RBFOX1: variants seen among roughly 807,000 people sequenced by gnomAD.
The protein encoded by RBFOX1 is RNA binding fox-1 homolog 1, also known as RNA binding protein fox-1 homolog 1.
RBFOX1 carries 8 observed loss-of-function variants against 57.7 expected under a neutral mutation model. The ratio of observed to expected loss-of-function variants is 0.14; its 90% CI spans 0.08 to 0.25. The LOEUF (loss-of-function observed/expected upper bound fraction) is 0.25, where lower values mean the gene tolerates loss of function less well. Ranked by LOEUF, RBFOX1 falls within the 10% of genes least tolerant of loss-of-function variation. The pLI is 1.00. For missense variants in RBFOX1, 611 were observed against 548.5 expected, an observed-to-expected ratio of 1.11 and a Z score of -1.14; for synonymous variants, 326 against 222.4, an observed-to-expected ratio of 1.47 and a Z score of -4.15.
intron 2 of RBFOX1, among the ~76,000 whole-genome samples, chr16:6,429,337 T>G (rs1430262856): frequency 2.6e-5 from 4 of 152,222 alleles, no homozygotes; most frequent in Non-Finnish European, 4.4e-5. Flanking sequence ...CTGCAGGGTT[T>G]CTTGTTGACC....
chr16:7,031,436 A>C (rs2042763976), intron 3 of RBFOX1, among the ~76,000 whole-genome samples: 1 of 152,056 alleles, frequency 6.6e-6, no homozygotes, highest in Non-Finnish European at 1.5e-5. Context: ...TCTCTACTAA[A>C]AATACAAAAA....
intron 4 of RBFOX1, among the ~76,000 whole-genome samples, chr16:7,503,801 C>A (rs778176667): frequency 6.6e-6 from 1 of 152,126 alleles, no homozygotes; most frequent in African/African-American, 2.4e-5. Flanking sequence ...GTTTGATTTT[C>A]TGCTTGTCCA....
At chr16:7,482,918 T>G (rs2064373435) in intron 4 of RBFOX1, among the ~76,000 whole-genome samples, 1 of 152,056 alleles carries the variant, frequency 6.6e-6, no homozygotes. Context: ...TGCAATTAAC[T>G]CCCTTTTTGA....
At chr16:7,667,430 C>G (rs2069722161) in intron 13 of RBFOX1, among the ~76,000 whole-genome samples, 2 of 152,198 alleles carry the variant, frequency 1.3e-5, no homozygotes, top group Admixed American at 6.5e-5. Flanking sequence ...TTTAAAGCCA[C>G]TACCCTACCT....
chr16:6,488,297 A>T (rs1472808311), intron 2 of RBFOX1, among the ~76,000 whole-genome samples: 1 of 152,190 alleles, frequency 6.6e-6, no homozygotes, highest in Admixed American at 6.5e-5. Context: ...TGTAAGTACT[A>T]GTTGGATTTA....
chr16:6,054,256 G>T (rs1394349093), intron 1 of RBFOX1, among the ~76,000 whole-genome samples: 1 of 151,804 alleles, frequency 6.6e-6, no homozygotes, highest in African/African-American at 2.4e-5. Flanking sequence ...TTTTGGGGAG[G>T]CAGGGAAGAA....
chr16:7,086,019 T>C (rs2059931973), intron 4 of RBFOX1, among the ~76,000 whole-genome samples: 1 of 152,198 alleles, frequency 6.6e-6, no homozygotes, highest in Admixed American at 6.5e-5. Flanking sequence ...TGTTATTTTC[T>C]TACCTCTCTG....
chr16:6,801,309 A>G (rs2085383809), intron 3 of RBFOX1, among the ~76,000 whole-genome samples: 1 of 152,112 alleles, frequency 6.6e-6, no homozygotes, highest in South Asian at 2.1e-4. Context: ...AATGGGATCT[A>G]CAGTTGAGAG....
At chr16:6,170,208 T>G (rs917159883) in intron 1 of RBFOX1, among the ~76,000 whole-genome samples, 1 of 152,150 alleles carries the variant, frequency 6.6e-6, no homozygotes, top group African/African-American at 2.4e-5. Context: ...GAGGTTGAAG[T>G]CCATGAGGTA....
At chr16:6,078,814 T>C (rs2095952520) in intron 1 of RBFOX1, among the ~76,000 whole-genome samples, 1 of 152,238 alleles carries the variant, frequency 6.6e-6, no homozygotes, top group South Asian at 2.1e-4. Flanking sequence ...ATTTTCCATG[T>C]CTTTAAGTTT....
intron 3 of RBFOX1, among the ~76,000 whole-genome samples, chr16:6,846,477 G>A (rs1421246142): frequency 6.6e-6 from 1 of 152,166 alleles, no homozygotes; most frequent in Non-Finnish European, 1.5e-5. Context: ...CATAATGAGG[G>A]AGAGAAAAAT....
intron 3 of RBFOX1, among the ~76,000 whole-genome samples, chr16:5,742,464 T>A (rs1194699967): frequency 6.6e-6 from 1 of 152,180 alleles, no homozygotes; most frequent in Non-Finnish European, 1.5e-5. Context: ...GGGGCTGCTA[T>A]ATTCTTACTT....
intron 1 of RBFOX1, among the ~76,000 whole-genome samples, chr16:6,280,513 T>G (rs2076262791): frequency 6.6e-6 from 1 of 152,110 alleles, no homozygotes; most frequent in Non-Finnish European, 1.5e-5. Flanking sequence ...GAGGAGGGAT[T>G]AAAAGCATTG....
At chr16:7,351,826 C>G (rs1025431279) in intron 4 of RBFOX1, among the ~76,000 whole-genome samples, 1 of 152,284 alleles carries the variant, frequency 6.6e-6, no homozygotes, top group East Asian at 1.9e-4. Context: ...AACACACATT[C>G]TGCCTCTCAA....
intron 4 of RBFOX1, among the ~76,000 whole-genome samples, chr16:7,504,782 TA>T: frequency 4.3e-5 from 1 of 22,994 alleles, no homozygotes; most frequent in African/African-American, 1.2e-4. Context: ...TATATATATA[TA>T]TATTTATATA....
At chr16:7,254,052 A>C (rs2094584262) in intron 4 of RBFOX1, among the ~76,000 whole-genome samples, 2 of 152,262 alleles carry the variant, frequency 1.3e-5, no homozygotes, top group East Asian at 3.9e-4. Flanking sequence ...TTGAGAGTTT[A>C]CTTCACTTTG....
intron 4 of RBFOX1, among the ~76,000 whole-genome samples, chr16:5,975,989 C>A (rs1008642288): frequency 1.3e-5 from 2 of 151,992 alleles, no homozygotes; most frequent in South Asian, 4.2e-4. Context: ...GCTAATAATA[C>A]AAAAATTAGC....
At chr16:6,557,774 C>G (rs1185925870) in intron 2 of RBFOX1, among the ~76,000 whole-genome samples, 1 of 152,114 alleles carries the variant, frequency 6.6e-6, no homozygotes, top group Non-Finnish European at 1.5e-5. Context: ...TCAGACGGTT[C>G]CATGTCAAGG....
chr16:6,835,215 T>G (rs2093003976), intron 3 of RBFOX1, among the ~76,000 whole-genome samples: 1 of 152,086 alleles, frequency 6.6e-6, no homozygotes, highest in Non-Finnish European at 1.5e-5. Flanking sequence ...TGACTTCTCT[T>G]GTGAAGATGG....
Sources: allele counts gnomAD v4.1 joint callset (sites outside exome capture counted in the v4.1 genomes callset), GRCh38; gene constraint gnomAD v4.1.1; transcripts MANE v1.5; gene names NCBI Gene and HGNC (gene_info 2026-07-23, HGNC 2026-07-21).